Variants in CACNA1C observed in about 807,000 individuals in gnomAD.
CACNA1C encodes calcium voltage-gated channel subunit alpha1 C.
A neutral mutation model predicts 229.0 loss-of-function variants in CACNA1C; 30 were observed. The ratio of observed to expected loss-of-function variants is 0.13; its 90% confidence interval spans 0.10 to 0.18. The LOEUF (loss-of-function observed/expected upper bound fraction) is 0.18, where lower values mean the gene tolerates loss of function less well. Among genes scored for constraint, CACNA1C ranks in the 10% least tolerant of loss-of-function variants. The pLI, the probability that CACNA1C is intolerant of heterozygous loss-of-function variation, is 1.00. For missense variants in CACNA1C, 1,658 were observed against 2,845.0 expected (o/e 0.58, Z 9.49); for synonymous variants, 1,114 against 1,132.5 (o/e 0.98, Z 0.33).
chr12:2,089,116 T>G (rs1486918243), intron 1 of CACNA1C, among the ~76,000 whole-genome samples: 1 of 152,122 alleles, frequency 6.6e-6, no homozygotes, highest in South Asian at 2.1e-4. Context: ...CTTGAGGGAT[T>G]CATGGTTCGT....
rs192838289 is a variant in CACNA1C, at chr12:2,186,199, T to C, written c.477+65769T>C. Among the ~76,000 whole-genome samples the C allele has an allele frequency of 4.5e-3, 688 of 152,330 alleles. 3 individuals carry two copies. The highest frequency in any genetic ancestry group is 0.02 in the Middle Eastern group (6 of 294). ...GGGATGGTTGCAATAAAGGTCTCCC[T>C]TCCCGACATGTGGCCAGCACAGAGC... On this transcript the variant is annotated intron_variant, in intron 3 of 46. Transcript: ENST00000399655.
intron 1 of CACNA1C, among the ~76,000 whole-genome samples, chr12:2,033,364 A>G (rs1221932246): frequency 6.6e-6 from 1 of 152,188 alleles, no homozygotes; most frequent in East Asian, 1.9e-4. Context: ...CTGAGGGGGC[A>G]GCTCTGGCAT....
At chr12:2,281,804 A>T (rs1304805016) in intron 3 of CACNA1C, among the ~76,000 whole-genome samples, 1 of 152,062 alleles carries the variant, frequency 6.6e-6, no homozygotes, top group Non-Finnish European at 1.5e-5. Flanking sequence ...GAGCTTCTGG[A>T]ACCTGTGGGT....
At position 2,512,535 on chromosome 12, in the gene CACNA1C, A is replaced by AG. The variant is rs2154579626; in HGVS notation, c.1218-274dup. Among the ~76,000 whole-genome samples, 1 of 152,252 alleles carries AG rather than the reference A, an allele frequency of 6.6e-6. No individual in the cohort carries two copies. The highest frequency in any genetic ancestry group is 6.5e-5 in the Admixed American group (1 of 15,296). On this transcript the variant is annotated intron_variant, in intron 8 of 46. Transcript: ENST00000399655. The surrounding 1 kb of genome is among the most constrained non-coding windows in gnomAD (Gnocchi z 4.3). ...GCCTGTGATCATGATCCAGGAAAAGAGGGAGATGGACTTCATCCATCCCCT... is the reference window on the plus strand; with the variant it reads ...GCCTGTGATCATGATCCAGGAAAAGAGGGGAGATGGACTTCATCCATCCCCT...
At chr12:2,372,034 G>GGTTTT (rs1220621821) in intron 3 of CACNA1C, among the ~76,000 whole-genome samples, 1 of 152,052 alleles carries the variant, frequency 6.6e-6, no homozygotes, top group Non-Finnish European at 1.5e-5. Flanking sequence ...AGCTCTTTTG[G>GGTTTT]GTTTTGTTTT....
chr12:2,431,205 G>A (rs1212382333), intron 3 of CACNA1C, among the ~76,000 whole-genome samples: 1 of 152,182 alleles, frequency 6.6e-6, no homozygotes, highest in Non-Finnish European at 1.5e-5. Context: ...TTCTGACCTA[G>A]CAGGTCTGGA....
At chr12:2,047,872 A>G (rs1295820331) in intron 1 of CACNA1C, among the ~76,000 whole-genome samples, 2 of 152,240 alleles carry the variant, frequency 1.3e-5, no homozygotes, top group African/African-American at 4.8e-5. Context: ...GCCGGAGGAA[A>G]GCAGGACATG....
rs1035422381 is a variant in CACNA1C, at chr12:2,052,998, G to C, written c.-565G>C. ...CTCGCGCGCCCGGTGTCTCCCTCTC[G>C]CTGCCTCTGCAGAAACAGCTCCTGC... On this transcript the variant is annotated 5_prime_UTR_variant, in exon 1 of 47. Coordinates refer to ENST00000399655, the MANE Select transcript of CACNA1C (RefSeq NM_000719.7). 1 of 983,616 alleles carries C rather than the reference G, an allele frequency of 1.0e-6. No individual in the cohort carries two copies. The highest frequency in any genetic ancestry group is 1.2e-6 in the Non-Finnish European group (1 of 829,344). The allele number at this position is 983,616 out of a possible 1,614,324, so 60.9% of individuals were successfully genotyped here. A position where few individuals can be genotyped will look rare whatever the true frequency, so the allele number is the denominator to read the frequency against.
chr12:2,668,963 A>G lies in CACNA1C; in HGVS notation c.4654A>G (p.Ser1552Gly). ...GGTCTCCATGAACATGCCTCTGAAC[A>G]GCGACGGGACAGTCATGTTCAATGC... ...RLVSMNMPLN[S>G]DGTVMFNATL... Residue 1552 changes from serine to glycine, a missense_variant, in exon 38 of 47, where the codon AGC becomes GGC. By Grantham distance (56) the Ser-to-Gly change is moderately conservative. Coordinates refer to ENST00000399655, the MANE Select transcript of CACNA1C (RefSeq NM_000719.7). 6.2e-7 allele frequency: 1 copy of G among 1,614,150 alleles called. No homozygotes were observed. Among genetic ancestry groups the G allele is most frequent in the Middle Eastern group, 1.6e-4 (1 of 6,062 alleles).
chr12:2,046,670 G>T (rs12301710), intron 1 of CACNA1C, among the ~76,000 whole-genome samples: 2,762 of 152,232 alleles, frequency 0.018, 79 homozygotes, highest in African/African-American at 0.063. Context: ...ACCACACCTT[G>T]TTATCCTAAC....
At chr12:2,087,400 G>T (rs934926680) in intron 1 of CACNA1C, among the ~76,000 whole-genome samples, 4 of 152,194 alleles carry the variant, frequency 2.6e-5, no homozygotes, top group Admixed American at 2.0e-4. Flanking sequence ...GATAATTAGA[G>T]AACTGAGGGA....
In CACNA1C at chr12:2,652,595, C is replaced by T. The variant is rs554453227; in HGVS notation, c.4074+827C>T. On this transcript the variant is annotated intron_variant, in intron 32 of 46. Transcript: ENST00000399655. Reference sequence around the variant, plus strand: ...TGGTCTTTGTGTGCCCCACCCTGGCCAGTCCCTGCCCGGGGACAGGGCATG... The same window carrying T: ...TGGTCTTTGTGTGCCCCACCCTGGCTAGTCCCTGCCCGGGGACAGGGCATG... Among the ~76,000 whole-genome samples the T allele has an allele frequency of 4.7e-4, 71 of 152,314 alleles. 1 individual carries two copies. In the South Asian group the frequency reaches 0.014, roughly 31 times the overall value.
chr12:2,576,863 C>T (rs2058601986), intron 13 of CACNA1C, among the ~76,000 whole-genome samples: 1 of 152,210 alleles, frequency 6.6e-6, no homozygotes, highest in Non-Finnish European at 1.5e-5. Flanking sequence ...CAAGGCCTGC[C>T]AGTCTCCAGA....
intron 29 of CACNA1C, among the ~76,000 whole-genome samples, chr12:2,621,976 A>T (rs2083487829): frequency 6.6e-6 from 1 of 152,224 alleles, no homozygotes; most frequent in Non-Finnish European, 1.5e-5. Flanking sequence ...AATCCTGTCC[A>T]GAAGCCTTCA....
chr12:2,318,128 A>AG (rs2095792322), intron 3 of CACNA1C, among the ~76,000 whole-genome samples: 1 of 142,528 alleles, frequency 7.0e-6, no homozygotes, highest in African/African-American at 2.9e-5. Flanking sequence ...GAATAGACAG[A>AG]GTTTTTCTCA....
At chr12:2,483,100 G>A (rs1359024129) in intron 5 of CACNA1C, among the ~76,000 whole-genome samples, 1 of 152,238 alleles carries the variant, frequency 6.6e-6, no homozygotes, top group Non-Finnish European at 1.5e-5. Context: ...ATAAGAAGAT[G>A]TGATGAGACT....
At chr12:2,404,111 T>A (rs1229393036) in intron 3 of CACNA1C, among the ~76,000 whole-genome samples, 7 of 152,284 alleles carry the variant, frequency 4.6e-5, no homozygotes. Context: ...CCTTTCTCTG[T>A]GTGCCACACT....
chr12:2,403,008 C>T lies in CACNA1C; in HGVS notation c.478-45968C>T, dbSNP rs761607006. Among the ~76,000 whole-genome samples, 1 of 152,134 alleles carries T rather than the reference C, an allele frequency of 6.6e-6. No homozygotes were observed. Among genetic ancestry groups the T allele is most frequent in the African/African-American group, 2.4e-5 (1 of 41,422 alleles). On this transcript the variant is annotated intron_variant, in intron 3 of 46. Transcript: ENST00000399655. This position sits in a 1 kb window ranked among gnomAD's most constrained non-coding sequence, Gnocchi z 4.1. ...AGGGATGCGAGCTGAAAGAGATAGA[C>T]AGATCATGAGGATCTTCAAGTTAGG...
At chr12:2,097,340 G>C (rs1237838266) in intron 1 of CACNA1C, among the ~76,000 whole-genome samples, 2 of 151,760 alleles carry the variant, frequency 1.3e-5, no homozygotes, top group Non-Finnish European at 2.9e-5. Flanking sequence ...TAGAGACGGG[G>C]TTTCACCATG....
Sources: gnomAD v4.1 joint callset for allele counts (sites outside exome capture counted in the v4.1 genomes callset) on GRCh38, gnomAD v4.1.1 for gene constraint, Gnocchi (gnomAD v3.1) non-coding constraint, MANE v1.5 for transcripts, NCBI Gene and HGNC (gene_info 2026-07-23, HGNC 2026-07-21) for gene names.